Variants in KCNH1 observed in about 807,000 individuals in gnomAD.
KCNH1 encodes the protein potassium voltage-gated channel subfamily H member 1, also known as voltage-gated delayed rectifier potassium channel KCNH1.
In KCNH1, 27 loss-of-function variants were observed where a neutral mutation model predicts 69.2. The ratio of observed to expected loss-of-function variants is 0.39; its 90% CI spans 0.29 to 0.54. The LOEUF (loss-of-function observed/expected upper bound fraction) is 0.54, where lower values mean the gene tolerates loss of function less well. Ranked by LOEUF, KCNH1 falls within the 20% of genes least tolerant of loss-of-function variation. The pLI is 0.68. For synonymous variants in KCNH1, 456 were observed against 487.7 expected, an observed-to-expected ratio of 0.93 and a Z score of 0.86; for missense variants, 798 against 1,261.6, an observed-to-expected ratio of 0.63 and a Z score of 5.57.
intron 7 of KCNH1, among the ~76,000 whole-genome samples, chr1:210,846,693 C>A (rs1218139937): frequency 6.6e-6 from 1 of 152,118 alleles, no homozygotes; most frequent in Non-Finnish European, 1.5e-5. Context: ...GTCTAAAACA[C>A]CAAAAGCAAT....
chr1:210,845,435 A>G (rs200281597), intron 7 of KCNH1, among the ~76,000 whole-genome samples: 3,061 of 103,532 alleles, frequency 0.03, no homozygotes, highest in Non-Finnish European at 0.038. Context: ...TACGCAAATC[A>G]ATAAATGTAA....
chr1:211,038,291 G>A (rs956499998), intron 5 of KCNH1, among the ~76,000 whole-genome samples: 1 of 152,048 alleles, frequency 6.6e-6, no homozygotes, highest in Non-Finnish European at 1.5e-5. Flanking sequence ...TGCTGCATTT[G>A]CCTGCCACCA....
At chr1:211,058,990 G>GAAAAA (rs1690368284) in intron 5 of KCNH1, among the ~76,000 whole-genome samples, 2 of 152,138 alleles carry the variant, frequency 1.3e-5, no homozygotes, top group African/African-American at 4.8e-5. Flanking sequence ...TATAAAAAGA[G>GAAAAA]AAAAAGTCAG....
chr1:210,794,372 G>T (rs1002630979), intron 9 of KCNH1, among the ~76,000 whole-genome samples: 1 of 152,164 alleles, frequency 6.6e-6, no homozygotes, highest in Non-Finnish European at 1.5e-5. Context: ...TAGACAGCTT[G>T]AAGGCAACAA....
chr1:210,791,255 A>G (rs1437545848), intron 9 of KCNH1, among the ~76,000 whole-genome samples: 1 of 152,160 alleles, frequency 6.6e-6, no homozygotes, highest in Non-Finnish European at 1.5e-5. Flanking sequence ...ATCTCACCCC[A>G]TTCCACAAAA....
intron 10 of KCNH1, among the ~76,000 whole-genome samples, chr1:210,738,195 C>A (rs927405702): frequency 2.0e-5 from 3 of 152,186 alleles, no homozygotes; most frequent in African/African-American, 7.2e-5. Flanking sequence ...GACCCTCTTC[C>A]TCAGATATCT....
chr1:210,963,543 A>C (rs750533948), intron 6 of KCNH1, among the ~76,000 whole-genome samples: 3 of 152,132 alleles, frequency 2.0e-5, no homozygotes, highest in Non-Finnish European at 2.9e-5. Context: ...AACCTTCAAA[A>C]ATGGTTAGTA....
intron 5 of KCNH1, among the ~76,000 whole-genome samples, chr1:211,023,743 T>C (rs1689631732): frequency 6.6e-6 from 1 of 152,138 alleles, no homozygotes; most frequent in Admixed American, 6.6e-5. Flanking sequence ...TTTAAGGTGA[T>C]GGATATCCCA....
intron 3 of KCNH1, among the ~76,000 whole-genome samples, chr1:211,099,666 T>C (rs74403205): frequency 1.3e-5 from 2 of 152,126 alleles, no homozygotes; most frequent in African/African-American, 4.8e-5. Flanking sequence ...TTGGTAAATA[T>C]CAGGTTCCTT....
chr1:210,933,252 C>T (rs528053965), intron 6 of KCNH1, among the ~76,000 whole-genome samples: 1 of 152,076 alleles, frequency 6.6e-6, no homozygotes, highest in African/African-American at 2.4e-5. Flanking sequence ...TCTCAGTAAA[C>T]TATCGCAAGA....
intron 10 of KCNH1, among the ~76,000 whole-genome samples, chr1:210,706,356 A>G (rs999236728): frequency 6.6e-6 from 1 of 152,244 alleles, no homozygotes; most frequent in African/African-American, 2.4e-5. Context: ...CAGGGGATGC[A>G]AATAACCTTT....
chr1:210,724,307 T>A (rs909794074), intron 10 of KCNH1, among the ~76,000 whole-genome samples: 22 of 152,084 alleles, frequency 1.4e-4, no homozygotes, highest in Admixed American at 3.9e-4. Context: ...TATTTTTTTT[T>A]AAAGCTCCTG....
intron 10 of KCNH1, among the ~76,000 whole-genome samples, chr1:210,703,886 A>G (rs1467178712): frequency 6.6e-6 from 1 of 152,152 alleles, no homozygotes; most frequent in South Asian, 2.1e-4. Flanking sequence ...GCAGGAGGGC[A>G]TAGAAGGAAC....
At chr1:210,992,154 C>T (rs776854581) in intron 6 of KCNH1, among the ~76,000 whole-genome samples, 7 of 152,164 alleles carry the variant, frequency 4.6e-5, no homozygotes, top group Admixed American at 3.9e-4. Context: ...CCCTACAACA[C>T]CTTGCAAGTA....
chr1:210,834,372 A>G (rs1685236801), intron 7 of KCNH1, among the ~76,000 whole-genome samples: 1 of 142,820 alleles, frequency 7.0e-6, no homozygotes, highest in Non-Finnish European at 1.5e-5. Flanking sequence ...GGATGAGTTC[A>G]TGTCCTTTGT....
chr1:210,893,685 G>A (rs1183910789), intron 7 of KCNH1, among the ~76,000 whole-genome samples: 1 of 151,994 alleles, frequency 6.6e-6, no homozygotes, highest in African/African-American at 2.4e-5. Context: ...AGTAGGCTCA[G>A]AAAGATTTCC....
At chr1:210,989,015 T>C (rs1374937000) in intron 6 of KCNH1, among the ~76,000 whole-genome samples, 1 of 152,192 alleles carries the variant, frequency 6.6e-6, no homozygotes, top group Non-Finnish European at 1.5e-5. Context: ...TAGATAACAT[T>C]TTTTTTCTTT....
At chr1:210,736,353 A>T (rs974641447) in intron 10 of KCNH1, among the ~76,000 whole-genome samples, 1 of 152,218 alleles carries the variant, frequency 6.6e-6, no homozygotes, top group African/African-American at 2.4e-5. Flanking sequence ...GTTCGAGACC[A>T]GCCTGACCAA....
intron 7 of KCNH1, among the ~76,000 whole-genome samples, chr1:210,904,668 A>G (rs1163172961): frequency 6.6e-6 from 1 of 152,148 alleles, no homozygotes; most frequent in Non-Finnish European, 1.5e-5. Flanking sequence ...CAACACCCAC[A>G]TCTCTGTCTA....
Sources: gnomAD v4.1 joint callset for allele counts (sites outside exome capture counted in the v4.1 genomes callset) on GRCh38, gnomAD v4.1.1 for gene constraint, MANE v1.5 for transcripts, NCBI Gene and HGNC (gene_info 2026-07-23, HGNC 2026-07-21) for gene names.